The following TACC2 variants were observed in gnomAD, a reference collection of about 807,000 sequenced individuals.
The protein encoded by TACC2 is transforming acidic coiled-coil-containing protein 2.
TACC2 carries 137 observed loss-of-function variants against 227.3 expected under a neutral mutation model. The observed-to-expected ratio is 0.60, with a 90% CI of 0.52 to 0.69. The LOEUF is 0.69. Ranked by LOEUF, TACC2 falls within the 30% of genes least tolerant of loss-of-function variation. TACC2 has a pLI of 0.00. For synonymous variants in TACC2, 1,523 were observed against 1,487.5 expected (o/e 1.02, Z -0.55); for missense variants, 3,470 against 3,694.4 (o/e 0.94, Z 1.57).
chr10:122,167,326 G>C (rs1592836435), intron 7 of TACC2, among the ~76,000 whole-genome samples: 1 of 152,238 alleles, frequency 6.6e-6, no homozygotes, highest in Non-Finnish European at 1.5e-5. Flanking sequence ...GAAGCAACAG[G>C]CTCTGTGATT....
intron 5 of TACC2, among the ~76,000 whole-genome samples, chr10:122,106,922 G>A (rs561902005): frequency 7.2e-5 from 11 of 152,330 alleles, no homozygotes; most frequent in African/African-American, 1.7e-4. Context: ...TCCCCTCATC[G>A]TTTCAAGCTG....
chr10:122,132,634 C>T lies in TACC2; in HGVS notation c.5599C>T (p.Gln1867Ter), dbSNP rs1396135826. Residue 1867 changes from glutamine (Q) to a stop codon, truncating the protein, a stop_gained, in exon 6 of 23, where the codon CAG becomes TAG. Coordinates refer to ENST00000369005, the MANE Select transcript of TACC2 (RefSeq NM_206862.4). LOFTEE classifies it high-confidence loss of function. Reference protein sequence around the residue: ...ESSPVADDIIQPAAPADLESP... With the variant: ...ESSPVADDII ...TTCACCTGTGGCAGATGATATCATC[C>T]AGCCCGCTGCCCCCGCAGACCTGGA... is the stretch of plus-strand genomic sequence containing the variant. The T allele has an allele frequency of 1.2e-6, 2 of 1,614,060 alleles. No homozygotes were observed. The highest frequency in any genetic ancestry group is 2.2e-5 in the East Asian group (1 of 44,898).
chr10:122,117,191 CTT>C (rs71482688), intron 5 of TACC2, among the ~76,000 whole-genome samples: 62 of 129,810 alleles, frequency 4.8e-4, no homozygotes, highest in African/African-American at 1.7e-3. Flanking sequence ...TCTTAGAAAT[CTT>C]TTTTTTTTTT....
At position 122,226,491 on chromosome 10, in the gene TACC2, C is replaced by G. The variant is rs766749520; in HGVS notation, c.7724+10C>G. On this transcript the variant is annotated intron_variant, in intron 13 of 22. Transcript: ENST00000369005. ...CGACGCCGTGTTCAGGGTATGACTTCCATGATGAGAGAGTTACACATCATG... is the reference window on the plus strand; with the variant it reads ...CGACGCCGTGTTCAGGGTATGACTTGCATGATGAGAGAGTTACACATCATG... 1 of 1,587,932 alleles carries G rather than the reference C, an allele frequency of 6.3e-7. No individual in the cohort carries two copies. Among genetic ancestry groups the G allele is most frequent in the African/African-American group, 1.3e-5 (1 of 74,390 alleles).
chr10:122,084,203 GA>G lies in TACC2; in HGVS notation c.1705del (p.Ser569AlafsTer42). The G allele has an allele frequency of 1.2e-6, 2 of 1,614,098 alleles. No homozygotes were observed. Among genetic ancestry groups the G allele is most frequent in the Non-Finnish European group, 1.7e-6 (2 of 1,180,044 alleles). ...DSTSPAVAKE[G>X]SRSPGDSPGG... ...ACAAGCCCAGCCGTGGCTAAAGAAG[GA>G]AGCAGATCACCTGGTGACAGCCCTG... On this transcript the variant is annotated frameshift_variant, in exon 4 of 23. Coordinates refer to ENST00000369005, the MANE Select transcript of TACC2 (RefSeq NM_206862.4). LOFTEE classifies it high-confidence loss of function.
At chr10:122,033,158 TG>T in intron 2 of TACC2, 5 of 1,289,116 alleles carry the variant, frequency 3.9e-6, no homozygotes, top group Non-Finnish European at 5.1e-6. Context: ...ACACAGGTAC[TG>T]GGGAATGTGC....
At position 122,083,272 on chromosome 10, in the gene TACC2, C is replaced by T. The variant is rs374044820; in HGVS notation, c.772C>T (p.Gln258Ter). ...CCCTGAGGCCCCTGCTGCAGCCCAG[C>T]AGGGCACAGAAAGCTCAGCGGTCTT... is the stretch of plus-strand genomic sequence containing the variant. Reference protein sequence around the residue: ...VTPEAPAAAQQGTESSAVLEK... With the variant: ...VTPEAPAAAQ The change falls in exon 4 of 23, where the codon CAG becomes TAG. Residue 258 changes from glutamine (Q) to a stop codon, truncating the protein, a stop_gained. Coordinates refer to ENST00000369005, the MANE Select transcript of TACC2 (RefSeq NM_206862.4). LOFTEE classifies it high-confidence loss of function. 6.2e-7 allele frequency: 1 copy of T among 1,613,840 alleles called. No homozygotes were observed. Among genetic ancestry groups the T allele is most frequent in the Non-Finnish European group, 8.5e-7 (1 of 1,180,014 alleles).
At chr10:122,043,564 C>CTCTCTT (rs1316868308) in intron 2 of TACC2, among the ~76,000 whole-genome samples, 1 of 10,608 alleles carries the variant, frequency 9.4e-5, no homozygotes, top group Non-Finnish European at 2.7e-4. Flanking sequence ...GTCTCTCTCT[C>CTCTCTT]TCTCTTTCTT....
At chr10:122,121,623 G>A (rs2085819848) in intron 5 of TACC2, among the ~76,000 whole-genome samples, 1 of 152,242 alleles carries the variant, frequency 6.6e-6, no homozygotes, top group South Asian at 2.1e-4. Context: ...AATGTGACAA[G>A]CGCTGCTTAT....
At chr10:122,049,400 G>A (rs972112943) in intron 2 of TACC2, among the ~76,000 whole-genome samples, 5 of 152,178 alleles carry the variant, frequency 3.3e-5, no homozygotes, top group African/African-American at 1.2e-4. Context: ...GAACTGCCCT[G>A]GTTCTTCAGG....
At chr10:122,196,080 C>T (rs1325553309) in intron 8 of TACC2, among the ~76,000 whole-genome samples, 2 of 152,190 alleles carry the variant, frequency 1.3e-5, no homozygotes, top group East Asian at 1.9e-4. Flanking sequence ...CTCTTCCTCC[C>T]GAGGGCAAAC....
chr10:121,997,251 A>G (rs1018272895), intron 1 of TACC2, among the ~76,000 whole-genome samples: 26 of 152,040 alleles, frequency 1.7e-4, no homozygotes, highest in African/African-American at 6.3e-4. Flanking sequence ...GGCTGCAGCA[A>G]CTTCTCACTC....
At chr10:122,233,511 C>T (rs933287203) in intron 16 of TACC2, among the ~76,000 whole-genome samples, 9 of 152,198 alleles carry the variant, frequency 5.9e-5, no homozygotes, top group African/African-American at 1.7e-4. Context: ...TAGAAGAGGC[C>T]GATGCCTGGA....
intron 11 of TACC2, among the ~76,000 whole-genome samples, chr10:122,222,323 T>C (rs1050202676): frequency 1.3e-5 from 2 of 152,172 alleles, no homozygotes; most frequent in African/African-American, 4.8e-5. Context: ...GAGGAAGTAT[T>C]TATTTTTTTT....
rs1423707190 is a variant in TACC2, at chr10:122,211,480, C to T, written c.7055C>T (p.Ser2352Phe). 6.2e-7 allele frequency: 1 copy of T among 1,613,818 alleles called. No individual in the cohort carries two copies. Among genetic ancestry groups the T allele is most frequent in the Non-Finnish European group, 8.5e-7 (1 of 1,179,918 alleles). The change falls in exon 9 of 23, where the codon TCC becomes TTC. Residue 2352 changes from serine (S) to phenylalanine (F), a missense_variant. Around this residue, in one of 10 missense-constraint regions of TACC2, gnomAD observed 593 missense variants for 636.6 expected, o/e 0.93. Transcript: ENST00000369005. ...WDDPNFNPFS[S>F]TSKMQESPKL... Reference sequence around the variant, plus strand: ...GACCCCAATTTTAACCCTTTTTCTTCCACCTCAAAAATGCAGGAGTCTCCC... The same window carrying T: ...GACCCCAATTTTAACCCTTTTTCTTTCACCTCAAAAATGCAGGAGTCTCCC...
At chr10:122,200,391 G>A (rs1254762251) in intron 8 of TACC2, among the ~76,000 whole-genome samples, 1 of 152,052 alleles carries the variant, frequency 6.6e-6, no homozygotes, top group African/African-American at 2.4e-5. Flanking sequence ...CATCTACAGT[G>A]AGAGGACGGG....
At chr10:122,215,518 C>G in intron 10 of TACC2, 67 bp downstream of exon 10, 1 of 1,345,976 alleles carries the variant, frequency 7.4e-7, no homozygotes, top group Non-Finnish European at 1.1e-6. Flanking sequence ...CGCTTGTTGA[C>G]AAAGCTTTGC....
Position 122,087,102 on chromosome 10 carries a change from T to C in TACC2, c.4602T>C (p.Pro1534=). The C allele has an allele frequency of 6.2e-7, 1 of 1,610,072 alleles. No homozygotes were observed. Among genetic ancestry groups the C allele is most frequent in the Non-Finnish European group, 8.5e-7 (1 of 1,178,532 alleles). Residue 1534 remains proline, a synonymous_variant, in exon 4 of 23, where the codon CCT becomes CCC. Transcript: ENST00000369005. ...GGGAAGACGAGAGGCCAGAGGGGCC[T>C]GGGGCAGCCTGGCCAGGCCTGGAAG... ...TLREDERPEG[P]GAAWPGLEGQ...
At chr10:122,231,229 G>C (rs1480951904) in intron 16 of TACC2, among the ~76,000 whole-genome samples, 1 of 152,180 alleles carries the variant, frequency 6.6e-6, no homozygotes, top group Admixed American at 6.5e-5. Flanking sequence ...CTGATGACGT[G>C]CAGAACGTGT....
Sources: gnomAD v4.1 joint callset for allele counts (sites outside exome capture counted in the v4.1 genomes callset) on GRCh38, gnomAD v4.1.1 for gene constraint, gnomAD v4.1.1 regional missense constraint, MANE v1.5 for transcripts, NCBI Gene and HGNC (gene_info 2026-07-23, HGNC 2026-07-21) for gene names.